Variants in EPB41L4A observed in about 807,000 individuals in gnomAD.
The protein encoded by EPB41L4A is band 4.1-like protein 4A.
EPB41L4A carries 100 observed loss-of-function variants against 108.6 expected under a neutral mutation model. That is an observed-to-expected ratio of 0.92 (90% CI 0.78 to 1.09). The LOEUF (loss-of-function observed/expected upper bound fraction) is 1.09. EPB41L4A is among the 50% of genes least tolerant of loss of function. EPB41L4A has a pLI of 0.00. For missense variants in EPB41L4A, 1,030 were observed against 842.7 expected, an observed-to-expected ratio of 1.22 and a Z score of -2.75; for synonymous variants, 319 against 289.0, an observed-to-expected ratio of 1.10 and a Z score of -1.05.
chr5:112,374,974 A>T (rs1031903169), intron 1 of EPB41L4A, among the ~76,000 whole-genome samples: 1 of 152,186 alleles, frequency 6.6e-6, no homozygotes, highest in African/African-American at 2.4e-5. Flanking sequence ...TCTGCAGAGC[A>T]GCAGCTCTGA....
chr5:112,224,047 G>C (rs1250812279), intron 12 of EPB41L4A, among the ~76,000 whole-genome samples: 1 of 152,184 alleles, frequency 6.6e-6, no homozygotes, highest in African/African-American at 2.4e-5. Context: ...CGCCCCGCAG[G>C]TTCAAGCGAT....
intron 18 of EPB41L4A, 108 bp downstream of exon 18, chr5:112,183,908 A>G: frequency 1.5e-6 from 2 of 1,325,944 alleles, no homozygotes; most frequent in Non-Finnish European, 2.1e-6. Flanking sequence ...TGACAAATAA[A>G]CAATGAAATA....
At chr5:112,387,397 C>T (rs1016889701) in intron 1 of EPB41L4A, among the ~76,000 whole-genome samples, 13 of 152,022 alleles carry the variant, frequency 8.6e-5, no homozygotes, top group Admixed American at 3.3e-4. Flanking sequence ...GAGGCCGAGG[C>T]GGGCAGATCA....
intron 15 of EPB41L4A, among the ~76,000 whole-genome samples, chr5:112,199,009 C>G (rs1287112168): frequency 6.6e-6 from 1 of 152,130 alleles, no homozygotes; most frequent in Admixed American, 6.5e-5. Flanking sequence ...TCTTCCTATT[C>G]AAGCAGTAAG....
chr5:112,226,235 GACAA>G (rs1431973801), intron 12 of EPB41L4A, among the ~76,000 whole-genome samples: 33 of 152,280 alleles, frequency 2.2e-4, no homozygotes, highest in African/African-American at 5.5e-4. Flanking sequence ...TCTCTGTGAT[GACAA>G]ACAACACAGG....
At chr5:112,188,766 C>G (rs1227980263) in intron 17 of EPB41L4A, among the ~76,000 whole-genome samples, 1 of 152,100 alleles carries the variant, frequency 6.6e-6, no homozygotes, top group Non-Finnish European at 1.5e-5. Flanking sequence ...GGCAAGGAAG[C>G]GGTTACCTAT....
At chr5:112,198,985 C>T (rs1424651077) in intron 15 of EPB41L4A, among the ~76,000 whole-genome samples, 4 of 152,220 alleles carry the variant, frequency 2.6e-5, no homozygotes, top group South Asian at 2.1e-4. Context: ...CAAATGCAGG[C>T]GTTCATGGCT....
At chr5:112,392,401 C>CAAAAAAAAAAAAAA (rs56256606) in intron 1 of EPB41L4A, among the ~76,000 whole-genome samples, 1 of 35,920 alleles carries the variant, frequency 2.8e-5, no homozygotes, top group Non-Finnish European at 4.7e-5. Context: ...AAATGGAAAG[C>CAAAAAAAAAAAAAA]AAAAAAAAAA....
At chr5:112,179,366 A>C (rs1418010496) in intron 18 of EPB41L4A, among the ~76,000 whole-genome samples, 1 of 152,118 alleles carries the variant, frequency 6.6e-6, no homozygotes, top group Non-Finnish European at 1.5e-5. Flanking sequence ...TATTTTTACC[A>C]AAAACCTGAC....
At chr5:112,341,072 T>C (rs1181984833) in intron 1 of EPB41L4A, among the ~76,000 whole-genome samples, 2 of 152,154 alleles carry the variant, frequency 1.3e-5, no homozygotes, top group East Asian at 3.9e-4. Context: ...ATCTCTCCTA[T>C]CCCCATCACC....
At position 112,165,022 on chromosome 5, in the gene EPB41L4A, T is replaced by C. The variant is rs751523217; in HGVS notation, c.2029A>G (p.Ile677Val). 5.6e-6 allele frequency: 9 copies of C among 1,613,990 alleles called. No individual in the cohort carries two copies. The highest frequency in any genetic ancestry group is 1.7e-5 in the Admixed American group (1 of 59,992). ...GKHTAKTIKT[I>V]QASRLKTET ...TCTGTCTTGAGGCGGGAAGCTTGTA[T>C]AGTTTTTATTGTTTTTGCTGTGTGT... is the stretch of plus-strand genomic sequence containing the variant. Residue 677 changes from isoleucine to valine, a missense_variant, in exon 23 of 23, where the codon ATA (isoleucine) becomes GTA (valine). Ile to Val is a conservative substitution (Grantham distance 29, BLOSUM62 3). Transcript: ENST00000261486.
intron 12 of EPB41L4A, among the ~76,000 whole-genome samples, chr5:112,150,004 G>A (rs1350153448): frequency 6.6e-6 from 1 of 152,192 alleles, no homozygotes. Context: ...ATGGAAAGGA[G>A]GGAGATCACC....
intron 1 of EPB41L4A, among the ~76,000 whole-genome samples, chr5:112,347,913 T>C (rs1757789496): frequency 6.6e-6 from 1 of 152,120 alleles, no homozygotes; most frequent in Admixed American, 6.5e-5. Flanking sequence ...GCCAGATCCA[T>C]CCTCCCAGGA....
rs570696917 is a variant in EPB41L4A, at chr5:112,205,487, T to C, written c.1196A>G (p.Asn399Ser). ...TCTTTGGGTATCAGGGCTATTTTCA[T>C]TCTTTGCTTTCTTAAAGCTTTAATT... ...SPVKSFKKAK[N>S]ENSPDTQRSK... The change falls in exon 14 of 23, where the codon AAT becomes AGT. Residue 399 changes from asparagine to serine, a missense_variant. Physicochemically the swap from Asn to Ser is conservative, Grantham distance 46. Transcript: ENST00000261486. 3.7e-6 allele frequency: 6 copies of C among 1,609,686 alleles called. No individual in the cohort carries two copies. The South Asian group carries it at 5.6e-5, about 15-fold the overall frequency.
chr5:112,363,293 T>G (rs1758897649), intron 1 of EPB41L4A, among the ~76,000 whole-genome samples: 1 of 152,092 alleles, frequency 6.6e-6, no homozygotes, highest in Non-Finnish European at 1.5e-5. Flanking sequence ...TATTATATAT[T>G]TTCAATTCAA....
chr5:112,260,048 C>T, intron 7 of EPB41L4A, 69 bp from the exon 8 acceptor site: 1 of 1,109,028 alleles, frequency 9.0e-7, no homozygotes, highest in South Asian at 1.3e-5. Context: ...TATAATTGAC[C>T]ATACAAATAT....
chr5:112,356,329 T>C (rs1758356683), intron 1 of EPB41L4A, among the ~76,000 whole-genome samples: 1 of 152,168 alleles, frequency 6.6e-6, no homozygotes, highest in Non-Finnish European at 1.5e-5. Flanking sequence ...AACTTGATAC[T>C]TAAGGGTGGT....
At chr5:112,295,939 T>G (rs1261035377) in intron 2 of EPB41L4A, among the ~76,000 whole-genome samples, 2 of 152,358 alleles carry the variant, frequency 1.3e-5, no homozygotes, top group East Asian at 3.9e-4. Context: ...GGCAACAAAA[T>G]GCTTTGCCTT....
chr5:112,197,643 T>C (rs879513417), intron 15 of EPB41L4A, among the ~76,000 whole-genome samples: 33 of 152,350 alleles, frequency 2.2e-4, no homozygotes, highest in Admixed American at 2.0e-3. Flanking sequence ...GCAAAACTCC[T>C]GCTATGGATG....
Sources: allele counts gnomAD v4.1 joint callset (sites outside exome capture counted in the v4.1 genomes callset), GRCh38; gene constraint gnomAD v4.1.1; transcripts MANE v1.5; gene names NCBI Gene and HGNC (gene_info 2026-07-23, HGNC 2026-07-21).